Variants in SLC4A10 observed in about 807,000 individuals in gnomAD.
The protein encoded by SLC4A10 is sodium-driven chloride bicarbonate exchanger.
Under a neutral mutation model 137.7 loss-of-function variants are expected in SLC4A10, and 42 were observed. The observed-to-expected ratio is 0.30, with a 90% CI of 0.24 to 0.39. The LOEUF (loss-of-function observed/expected upper bound fraction) is 0.39, where lower values mean the gene tolerates loss of function less well. Ranked by LOEUF, SLC4A10 falls within the 10% of genes least tolerant of loss-of-function variation. SLC4A10 has a pLI of 1.00. For missense variants in SLC4A10, 925 were observed against 1,355.0 expected, an observed-to-expected ratio of 0.68 and a Z score of 4.98; for synonymous variants, 474 against 464.1, an observed-to-expected ratio of 1.02 and a Z score of -0.27.
chr2:161,758,448 G>T (rs183733180), intron 1 of SLC4A10, among the ~76,000 whole-genome samples: 1 of 151,644 alleles, frequency 6.6e-6, no homozygotes, highest in Non-Finnish European at 1.5e-5. Flanking sequence ...ATCCATAAGC[G>T]TTTCAAATAT....
intron 1 of SLC4A10, among the ~76,000 whole-genome samples, chr2:161,655,173 T>C (rs1314893358): frequency 1.3e-5 from 2 of 152,176 alleles, no homozygotes; most frequent in African/African-American, 2.4e-5. Flanking sequence ...CTTTTTTAGA[T>C]AGCTAATTGT....
chr2:161,955,479 T>C (rs1026521575), intron 19 of SLC4A10, among the ~76,000 whole-genome samples: 24 of 152,188 alleles, frequency 1.6e-4, no homozygotes, highest in African/African-American at 5.6e-4. Flanking sequence ...TTTGGTAAAT[T>C]GTAGTATTGC....
At chr2:161,861,037 G>A (rs1212209222) in intron 5 of SLC4A10, among the ~76,000 whole-genome samples, 2 of 152,224 alleles carry the variant, frequency 1.3e-5, no homozygotes, top group East Asian at 3.8e-4. Context: ...GCCTGTGGCT[G>A]CTTTCTTGCT....
At chr2:161,963,002 G>T (rs997189283) in intron 21 of SLC4A10, among the ~76,000 whole-genome samples, 1 of 152,020 alleles carries the variant, frequency 6.6e-6, no homozygotes, top group Non-Finnish European at 1.5e-5. Context: ...TGTAGAGATG[G>T]CATGAAATAA....
At chr2:161,734,644 C>T (rs184308380) in intron 1 of SLC4A10, among the ~76,000 whole-genome samples, 10 of 152,076 alleles carry the variant, frequency 6.6e-5, no homozygotes, top group African/African-American at 9.6e-5. Flanking sequence ...AACTTTTAAA[C>T]GAGACACAAT....
chr2:161,785,707 T>C (rs2053547348), intron 2 of SLC4A10, among the ~76,000 whole-genome samples: 3 of 151,784 alleles, frequency 2.0e-5, no homozygotes, highest in Admixed American at 2.0e-4. Flanking sequence ...ATAAAGGCCA[T>C]ATATGACAAT....
At chr2:161,702,439 A>G (rs1295271329) in intron 1 of SLC4A10, among the ~76,000 whole-genome samples, 1 of 151,930 alleles carries the variant, frequency 6.6e-6, no homozygotes. Context: ...TTTACTTAGC[A>G]CTGGAATAGT....
At chr2:161,944,062 T>C (rs1693248332) in intron 16 of SLC4A10, among the ~76,000 whole-genome samples, 1 of 151,928 alleles carries the variant, frequency 6.6e-6, no homozygotes. Flanking sequence ...GTTACTCTTA[T>C]TGTTTTCTTT....
chr2:161,971,698 G>A (rs944827974), intron 23 of SLC4A10, among the ~76,000 whole-genome samples: 1 of 152,126 alleles, frequency 6.6e-6, no homozygotes, highest in African/African-American at 2.4e-5. Context: ...TTCTCACAGT[G>A]CTGCCGGGAT....
chr2:161,680,981 A>T (rs766521878), intron 1 of SLC4A10, among the ~76,000 whole-genome samples: 2 of 152,128 alleles, frequency 1.3e-5, no homozygotes, highest in Admixed American at 6.6e-5. Context: ...ATAACTTAGC[A>T]ATAAGTGAGA....
intron 3 of SLC4A10, among the ~76,000 whole-genome samples, chr2:161,817,210 T>G (rs1318654171): frequency 6.6e-6 from 1 of 152,216 alleles, no homozygotes; most frequent in East Asian, 1.9e-4. Context: ...TGGTTTTGAT[T>G]TGCATTTCTC....
At chr2:161,655,011 G>A (rs969103695) in intron 1 of SLC4A10, among the ~76,000 whole-genome samples, 2 of 152,026 alleles carry the variant, frequency 1.3e-5, no homozygotes, top group African/African-American at 2.4e-5. Context: ...CATGAACACA[G>A]GATATCTTTC....
rs2061179750 is a variant in SLC4A10 at position 161,872,331 on chromosome 2, G to A, written c.805G>A (p.Val269Ile). The change falls in exon 7 of 27, where the codon GTT (valine) becomes ATT (isoleucine). Residue 269 changes from valine to isoleucine, a missense_variant. Around this residue, in one of 11 missense-constraint regions of SLC4A10, gnomAD observed 277 missense variants for 306.1 expected, o/e 0.90. Transcript: ENST00000446997. ...TTCTCCTCAGTCTGCTCCAGCCTGT[G>A]TTGAAAATAAAAATGATGTTAGCAG... ...VVSPQSAPACVENKNDVSREN... is the reference protein window; with the variant it reads ...VVSPQSAPACIENKNDVSREN... 1 of 1,613,670 alleles carries A rather than the reference G, an allele frequency of 6.2e-7. No homozygotes were observed. The highest frequency in any genetic ancestry group is 8.5e-7 in the Non-Finnish European group (1 of 1,179,748).
At chr2:161,672,890 G>C (rs544687944) in intron 1 of SLC4A10, among the ~76,000 whole-genome samples, 3 of 152,224 alleles carry the variant, frequency 2.0e-5, no homozygotes, top group East Asian at 3.9e-4. Context: ...GTATTCAGAA[G>C]TACAAGGTAA....
rs372793370 is a variant in SLC4A10, at chr2:161,779,492, A to T, written c.130+8438A>T. On this transcript the variant is annotated intron_variant, in intron 2 of 26. Transcript: ENST00000446997. ...CTGCTTTTCTCATTTCACCCAGTGCATTCCTGAGCTCTTAAAGATAACTAA... is the reference window on the plus strand; with the variant it reads ...CTGCTTTTCTCATTTCACCCAGTGCTTTCCTGAGCTCTTAAAGATAACTAA... 1.4e-4 allele frequency among the ~76,000 whole-genome samples: 22 copies of T among 152,172 alleles called. No homozygotes were observed. In the South Asian group the frequency reaches 4.3e-3, roughly 30 times the overall value.
At chr2:161,646,248 T>G (rs554842799) in intron 1 of SLC4A10, among the ~76,000 whole-genome samples, 2 of 152,162 alleles carry the variant, frequency 1.3e-5, no homozygotes, top group Middle Eastern at 3.4e-3. Flanking sequence ...TTTTTATGAC[T>G]CGTAGTGATA....
chr2:161,819,611 C>T (rs1463684902), intron 3 of SLC4A10, among the ~76,000 whole-genome samples: 1 of 152,002 alleles, frequency 6.6e-6, no homozygotes, highest in African/African-American at 2.4e-5. Context: ...TCTCCTGCCT[C>T]AGCCTCCTGA....
chr2:161,678,134 T>G (rs2040462897), intron 1 of SLC4A10, among the ~76,000 whole-genome samples: 2 of 152,286 alleles, frequency 1.3e-5, no homozygotes, highest in South Asian at 4.2e-4. Flanking sequence ...TGACTTCCTT[T>G]AGGCCCAAAT....
chr2:161,710,621 A>T (rs1034632348), intron 1 of SLC4A10: 1 of 440,964 alleles, frequency 2.3e-6, no homozygotes, highest in African/African-American at 2.0e-5. Context: ...ATGGCAGGAT[A>T]ATCTTGATCT....
Sources: allele counts gnomAD v4.1 joint callset (sites outside exome capture counted in the v4.1 genomes callset), GRCh38; gene constraint gnomAD v4.1.1; regional missense constraint gnomAD v4.1.1; transcripts MANE v1.5; gene names NCBI Gene and HGNC (gene_info 2026-07-23, HGNC 2026-07-21).